ZNF738: variants seen among roughly 807,000 people sequenced by gnomAD.
ZNF738 encodes the protein zinc finger protein 738, also known as protein ZNF738.
A neutral mutation model predicts 9.2 loss-of-function variants in ZNF738; 10 were observed. That is an observed-to-expected ratio of 1.09 (90% CI 0.67 to 1.85). The LOEUF (loss-of-function observed/expected upper bound fraction) is 1.85. Ranked by LOEUF, ZNF738 falls within the 40% of genes most tolerant of loss-of-function variation. The pLI is 0.00. For missense variants in ZNF738, 346 were observed against 283.6 expected, an observed-to-expected ratio of 1.22 and a Z score of -1.58; for synonymous variants, 113 against 94.5, an observed-to-expected ratio of 1.20 and a Z score of -1.14.
At chr19:21,375,395 T>C (rs200015869) in intron 3 of ZNF738, 31 bp downstream of exon 3, 1 of 689,812 alleles carries the variant, frequency 1.4e-6, no homozygotes, top group Admixed American at 2.3e-5. Flanking sequence ...CAATTCCTTA[T>C]ATACACTAAA....
At position 21,386,735 on chromosome 19, in the gene ZNF738, A is replaced by T. The variant is rs1027723209; in HGVS notation, c.*3061A>T. 71 of 179,672 alleles carry T rather than the reference A, an allele frequency of 4.0e-4. No individual in the cohort carries two copies. The highest frequency in any genetic ancestry group is 1.7e-3 in the African/African-American group (71 of 41,946). 11.1% of individuals were successfully genotyped at this position (179,672 alleles called of 1,614,324 possible). On this transcript the variant is annotated 3_prime_UTR_variant, in exon 5 of 5. Coordinates refer to ENST00000683779, the MANE Select transcript of ZNF738 (RefSeq NM_001355237.2). ...TTATTATTATTATTTTTAGAGATGGAGTTTCACTCTTGTTGCCAAGGCTGC... is the reference window on the plus strand; with the variant it reads ...TTATTATTATTATTTTTAGAGATGGTGTTTCACTCTTGTTGCCAAGGCTGC...
chr19:21,359,535 AT>A (rs1461796303), intron 1 of ZNF738, among the ~76,000 whole-genome samples: 1 of 152,166 alleles, frequency 6.6e-6, no homozygotes, highest in Non-Finnish European at 1.5e-5. Flanking sequence ...ATTATCTCCT[AT>A]TAAAAGTTAA....
At chr19:21,381,411 T>C (rs1974002390) in intron 4 of ZNF738, 1 of 1,516,948 alleles carries the variant, frequency 6.6e-7, no homozygotes, top group Non-Finnish European at 9.1e-7. Context: ...TTTGTCTTTG[T>C]ATATTCTAGA....
chr19:21,381,894 C>A, intron 4 of ZNF738: 1 of 268,026 alleles, frequency 3.7e-6, no homozygotes. Context: ...ACAGCCTGGA[C>A]AGTTGCCTGG....
rs1240970079 is a variant in ZNF738 at position 21,385,638 on chromosome 19, A to G, written c.*1964A>G. Among the ~76,000 whole-genome samples, 1 of 152,198 alleles carries G rather than the reference A, an allele frequency of 6.6e-6. No homozygotes were observed. The highest frequency in any genetic ancestry group is 1.5e-5 in the Non-Finnish European group (1 of 68,038). On this transcript the variant is annotated 3_prime_UTR_variant, in exon 5 of 5. Transcript: ENST00000683779. ...GTGAGAAAGCTTTTAACTGGTACTC[A>G]TGCCTTACTGCACATAAGATAATTC...
At chr19:21,364,995 T>C (rs980880956) in intron 2 of ZNF738, among the ~76,000 whole-genome samples, 14 of 149,222 alleles carry the variant, frequency 9.4e-5, no homozygotes, top group East Asian at 5.9e-4. Context: ...CTTGACCTCA[T>C]GATCCACCCA....
At position 21,383,983 on chromosome 19, in the gene ZNF738, G is replaced by C. The variant is rs1974037484; in HGVS notation, c.*309G>C. Reference sequence around the variant, plus strand: ...ACTGCACATAAGTTGATTCATACTGGAGAGAAACCCTACAAATGTGAAGAA... The same window carrying C: ...ACTGCACATAAGTTGATTCATACTGCAGAGAAACCCTACAAATGTGAAGAA... On this transcript the variant is annotated 3_prime_UTR_variant, in exon 5 of 5. Transcript: ENST00000683779. 6.8e-7 allele frequency: 1 copy of C among 1,462,282 alleles called. No homozygotes were observed. Among genetic ancestry groups the C allele is most frequent in the African/African-American group, 1.4e-5 (1 of 71,396 alleles). The allele number at this position is 1,462,282 out of a possible 1,614,324, so 90.6% of individuals were successfully genotyped here. A position where few individuals can be genotyped will look rare whatever the true frequency, so the allele number is the denominator to read the frequency against.
chr19:21,369,799 A>T (rs1337319422), intron 2 of ZNF738, among the ~76,000 whole-genome samples: 1 of 149,278 alleles, frequency 6.7e-6, no homozygotes, highest in Non-Finnish European at 1.5e-5. Flanking sequence ...GGGCAATGTA[A>T]TGCTTCCAGC....
At chr19:21,381,807 G>T in intron 4 of ZNF738, 1 of 290,038 alleles carries the variant, frequency 3.4e-6, no homozygotes, top group Non-Finnish European at 6.9e-6. Flanking sequence ...TTATCTTTAA[G>T]AAGTTGTTTT....
Position 21,359,118 on chromosome 19 carries a change from C to T in ZNF738, c.-23C>T. ...TATTGGGAATCCACAGCTAAGACGCCGGGACACCCTGGAAGCCTAGAAATG... is the reference window on the plus strand; with the variant it reads ...TATTGGGAATCCACAGCTAAGACGCTGGGACACCCTGGAAGCCTAGAAATG... On this transcript the variant is annotated 5_prime_UTR_variant, in exon 1 of 5. Coordinates refer to ENST00000683779, the MANE Select transcript of ZNF738 (RefSeq NM_001355237.2). The T allele has an allele frequency of 9.8e-7, 1 of 1,021,468 alleles. No individual in the cohort carries two copies. The highest frequency in any genetic ancestry group is 1.7e-5 in the Admixed American group (1 of 58,884). The allele number at this position is 1,021,468 out of a possible 1,614,324, so 63.3% of individuals were successfully genotyped here. A position where few individuals can be genotyped will look rare whatever the true frequency, so the allele number is the denominator to read the frequency against.
At chr19:21,376,248 A>G in intron 4 of ZNF738, 1 of 276,312 alleles carries the variant, frequency 3.6e-6, no homozygotes, top group Non-Finnish European at 7.0e-6. Context: ...TTCATGGCAT[A>G]TAAAAGACTG....
Position 21,386,080 on chromosome 19 carries a change from G to A in ZNF738, c.*2406G>A, listed in dbSNP as rs1476944564. Among the ~76,000 whole-genome samples the A allele has an allele frequency of 1.3e-5, 2 of 152,066 alleles. No individual in the cohort carries two copies. Among genetic ancestry groups the A allele is most frequent in the African/African-American group, 4.8e-5 (2 of 41,402 alleles). The stretch of plus-strand genomic sequence containing the variant: ...ACCTTATTAAACATAAAATCTTACA[G>A]GAGAGAAATTATACAAATGTGAAGA... On this transcript the variant is annotated 3_prime_UTR_variant, in exon 5 of 5. Transcript: ENST00000683779.
Position 21,384,029 on chromosome 19 carries a change from A to T in ZNF738, c.*355A>T. 1 of 1,534,354 alleles carries T rather than the reference A, an allele frequency of 6.5e-7. No homozygotes were observed. The highest frequency in any genetic ancestry group is 9.0e-7 in the Non-Finnish European group (1 of 1,112,620). On this transcript the variant is annotated 3_prime_UTR_variant, in exon 5 of 5. Transcript: ENST00000683779. The stretch of plus-strand genomic sequence containing the variant: ...AAGAATGTGGCAAAGCTTTCTACCG[A>T]TTCATTTACCTTACTACACATAAGA...
intron 4 of ZNF738, chr19:21,378,671 C>T (rs572102273): frequency 7.8e-4 from 295 of 379,414 alleles, no homozygotes; most frequent in Middle Eastern, 3.7e-3. Context: ...TGAAATGGCG[C>T]GATTTCACCT....
intron 2 of ZNF738, chr19:21,372,831 A>G (rs2145229978): frequency 6.6e-6 from 1 of 152,338 alleles, no homozygotes; most frequent in East Asian, 1.9e-4. Context: ...ACATTGCATT[A>G]GTTCATGTGT....
chr19:21,371,123 C>T (rs555711503), intron 2 of ZNF738, among the ~76,000 whole-genome samples: 23 of 152,256 alleles, frequency 1.5e-4, no homozygotes, highest in Non-Finnish European at 2.5e-4. Flanking sequence ...CTATACCTAC[C>T]GGTAATTGTG....
chr19:21,383,408 T>C lies in ZNF738; in HGVS notation c.862T>C (p.Tyr288His). ...GGTAATTCATGCTGGAGAGAAACACTACAAATGTGAAAAATGTGGCAAAGA... is the reference window on the plus strand; with the variant it reads ...GGTAATTCATGCTGGAGAGAAACACCACAAATGTGAAAAATGTGGCAAAGA... The part of the protein sequence containing the change: ...HKVIHAGEKH[Y>H]KCEKCGKDFK... The change falls in exon 5 of 5, where the codon TAC (tyrosine) becomes CAC (histidine). Residue 288 changes from tyrosine (Y) to histidine (H), a missense_variant. Tyr to His is a moderately conservative substitution (Grantham distance 83). Coordinates refer to ENST00000683779, the MANE Select transcript of ZNF738 (RefSeq NM_001355237.2). The C allele has an allele frequency of 5.1e-6, 3 of 587,250 alleles. No individual in the cohort carries two copies. Among genetic ancestry groups the C allele is most frequent in the South Asian group, 4.0e-5 (2 of 49,526 alleles). 36.4% of individuals were successfully genotyped at this position (587,250 alleles called of 1,614,324 possible). A position where few individuals can be genotyped will look rare whatever the true frequency, so the allele number is the denominator to read the frequency against.
chr19:21,378,724 C>T (rs1287555630), intron 4 of ZNF738: 24 of 334,754 alleles, frequency 7.2e-5, no homozygotes, highest in South Asian at 2.0e-4. Flanking sequence ...CTCAGCCTCC[C>T]GAGTAGCTGG....
rs144653643 is a variant in ZNF738 at position 21,382,908 on chromosome 19, G to A, written c.362G>A (p.Gly121Asp). 418 of 533,838 alleles carry A rather than the reference G, an allele frequency of 7.8e-4. No individual in the cohort carries two copies. Among genetic ancestry groups the A allele is most frequent in the Non-Finnish European group, 1.4e-3 (379 of 280,536 alleles). 33.1% of individuals were successfully genotyped at this position (533,838 alleles called of 1,614,324 possible). ...HFAQDLWPQPGIKDSFQKVIL... is the reference protein window; with the variant it reads ...HFAQDLWPQPDIKDSFQKVIL... Reference sequence around the variant, plus strand: ...GCCCAGGACCTTTGGCCACAGCCGGGCATAAAAGATTCTTTCCAAAAAGTG... The same window carrying A: ...GCCCAGGACCTTTGGCCACAGCCGGACATAAAAGATTCTTTCCAAAAAGTG... Residue 121 changes from glycine to aspartate, a missense_variant, in exon 5 of 5, where the codon GGC becomes GAC. Transcript: ENST00000683779.
Sources: gnomAD v4.1 joint callset for allele counts (sites outside exome capture counted in the v4.1 genomes callset) on GRCh38, gnomAD v4.1.1 for gene constraint, MANE v1.5 for transcripts, NCBI Gene and HGNC (gene_info 2026-07-23, HGNC 2026-07-21) for gene names.